The following CORIN variants were observed in gnomAD, a reference collection of about 807,000 sequenced individuals.
CORIN encodes corin, serine peptidase.
In CORIN, 117 loss-of-function variants were observed where a neutral mutation model predicts 125.3. The ratio of observed to expected loss-of-function variants is 0.93; its 90% confidence interval spans 0.80 to 1.09. The LOEUF (loss-of-function observed/expected upper bound fraction) is 1.09, where lower values mean the gene tolerates loss of function less well. Ranked by LOEUF, CORIN falls within the 50% of genes least tolerant of loss-of-function variation. The pLI is 0.00. For synonymous variants in CORIN, 450 were observed against 466.4 expected (o/e 0.96, Z 0.45); for missense variants, 1,253 against 1,306.7 (o/e 0.96, Z 0.63).
intron 20 of CORIN, among the ~76,000 whole-genome samples, chr4:47,602,818 T>G (rs1453539535): frequency 2.0e-5 from 3 of 152,094 alleles, no homozygotes; most frequent in Non-Finnish European, 4.4e-5. Context: ...TATTTACCAT[T>G]TGTGGCTATA....
intron 19 of CORIN, among the ~76,000 whole-genome samples, chr4:47,620,366 A>C (rs1454799714): frequency 6.6e-6 from 1 of 152,236 alleles, no homozygotes; most frequent in African/African-American, 2.4e-5. Flanking sequence ...CTATAGATAG[A>C]ATATTATTTG....
chr4:47,646,043 CA>C (rs1165408037), intron 13 of CORIN, among the ~76,000 whole-genome samples: 25,076 of 98,078 alleles, frequency 0.26, 1,804 homozygotes, highest in Admixed American at 0.34. Context: ...CCACCTGTCT[CA>C]AAAAAAAAAA....
At position 47,806,802 on chromosome 4, in the gene CORIN, C is replaced by T. The variant is rs545219274; in HGVS notation, c.208+101G>A. Reference sequence around the variant, plus strand: ...CATCAAAAGATAATCCTCTCATTGACTGACACTTTGGGTTAAATAAGTACT... The same window carrying T: ...CATCAAAAGATAATCCTCTCATTGATTGACACTTTGGGTTAAATAAGTACT... On this transcript the variant is annotated intron_variant, in intron 2 of 21. Coordinates refer to ENST00000273857, the MANE Select transcript of CORIN (RefSeq NM_006587.4). 1.3e-5 allele frequency: 16 copies of T among 1,245,678 alleles called. No homozygotes were observed. In the African/African-American group the frequency reaches 2.3e-4, roughly 18 times the overall value. 77.2% of individuals were successfully genotyped at this position (1,245,678 alleles called of 1,614,324 possible). A position where few individuals can be genotyped will look rare whatever the true frequency, so the allele number is the denominator to read the frequency against.
chr4:47,804,198 G>A (rs959208849), intron 2 of CORIN, among the ~76,000 whole-genome samples: 5 of 152,108 alleles, frequency 3.3e-5, no homozygotes, highest in Non-Finnish European at 7.4e-5. Context: ...CCAAAAGACA[G>A]GCAATAACAA....
At chr4:47,709,351 T>C (rs1726731664) in intron 5 of CORIN, among the ~76,000 whole-genome samples, 1 of 152,124 alleles carries the variant, frequency 6.6e-6, no homozygotes, top group South Asian at 2.1e-4. Flanking sequence ...TTGAGTGCAG[T>C]GGCACAATCT....
At chr4:47,726,396 C>A (rs1488174176) in intron 5 of CORIN, among the ~76,000 whole-genome samples, 1 of 151,992 alleles carries the variant, frequency 6.6e-6, no homozygotes, top group Non-Finnish European at 1.5e-5. Flanking sequence ...ATACATGTAA[C>A]AACATGGATG....
chr4:47,802,280 C>G (rs929376678), intron 2 of CORIN, among the ~76,000 whole-genome samples: 1 of 152,148 alleles, frequency 6.6e-6, no homozygotes, highest in African/African-American at 2.4e-5. Context: ...TGCTTGGCCT[C>G]GGTGGGGTAG....
chr4:47,772,231 C>A (rs34638656), intron 3 of CORIN, among the ~76,000 whole-genome samples: 21,892 of 152,176 alleles, frequency 0.14, 2,191 homozygotes, highest in African/African-American at 0.27. Flanking sequence ...ATTCAAGAAA[C>A]TACTTACTGT....
chr4:47,735,326 A>C (rs1474639931), intron 5 of CORIN, among the ~76,000 whole-genome samples: 1 of 152,230 alleles, frequency 6.6e-6, no homozygotes, highest in Non-Finnish European at 1.5e-5. Context: ...TTTAAATTCT[A>C]GGTAAATATT....
At chr4:47,654,870 A>G (rs1370351502) in intron 12 of CORIN, among the ~76,000 whole-genome samples, 4 of 151,338 alleles carry the variant, frequency 2.6e-5, no homozygotes, top group African/African-American at 9.7e-5. Context: ...CCCTTCCCCA[A>G]CCCCAGGCAG....
intron 16 of CORIN, among the ~76,000 whole-genome samples, chr4:47,638,275 G>A (rs774773314): frequency 2.1e-4 from 32 of 152,164 alleles, no homozygotes; most frequent in Non-Finnish European, 4.0e-4. Flanking sequence ...TAGATGAGAC[G>A]TTGGACTGTG....
chr4:47,719,951 T>A (rs929636532), intron 5 of CORIN, among the ~76,000 whole-genome samples: 1 of 152,194 alleles, frequency 6.6e-6, no homozygotes, highest in Non-Finnish European at 1.5e-5. Context: ...TAGCCTCACT[T>A]TTCATTTAAA....
At chr4:47,625,635 T>G (rs997276325) in intron 17 of CORIN, among the ~76,000 whole-genome samples, 1 of 152,186 alleles carries the variant, frequency 6.6e-6, no homozygotes, top group Non-Finnish European at 1.5e-5. Context: ...GTTTTCCTCT[T>G]TAAAATTCTT....
intron 5 of CORIN, among the ~76,000 whole-genome samples, chr4:47,728,400 C>A (rs1001786681): frequency 2.0e-5 from 3 of 152,092 alleles, no homozygotes; most frequent in African/African-American, 7.2e-5. Context: ...GCTAATATTT[C>A]TGCTATGTGA....
intron 4 of CORIN, among the ~76,000 whole-genome samples, chr4:47,753,164 C>T (rs140254528): frequency 2.4e-4 from 36 of 152,100 alleles, no homozygotes; most frequent in Admixed American, 7.9e-4. Context: ...CCCCTTGAGC[C>T]GCAAAACCAG....
intron 6 of CORIN, among the ~76,000 whole-genome samples, chr4:47,689,863 G>T (rs963904497): frequency 6.7e-6 from 1 of 150,282 alleles, no homozygotes; most frequent in African/African-American, 2.4e-5. Flanking sequence ...TCTGCAGATG[G>T]GGCTTCCTGA....
intron 5 of CORIN, among the ~76,000 whole-genome samples, chr4:47,715,095 T>C (rs527373397): frequency 5.3e-5 from 8 of 151,972 alleles, no homozygotes; most frequent in Non-Finnish European, 7.4e-5. Flanking sequence ...ATAATAACAG[T>C]GAAGAGAACT....
At chr4:47,835,669 A>G (rs924626861) in intron 1 of CORIN, among the ~76,000 whole-genome samples, 1 of 152,178 alleles carries the variant, frequency 6.6e-6, no homozygotes, top group Non-Finnish European at 1.5e-5. Flanking sequence ...AGTCAATAGA[A>G]CTAGCAACTG....
At chr4:47,739,880 A>G (rs1395772040) in intron 5 of CORIN, among the ~76,000 whole-genome samples, 2 of 151,926 alleles carry the variant, frequency 1.3e-5, no homozygotes, top group African/African-American at 4.8e-5. Flanking sequence ...CTAGACTGTT[A>G]TAACTTAAGA....
Sources: gnomAD v4.1 joint callset for allele counts (sites outside exome capture counted in the v4.1 genomes callset) on GRCh38, gnomAD v4.1.1 for gene constraint, MANE v1.5 for transcripts, NCBI Gene and HGNC (gene_info 2026-07-23, HGNC 2026-07-21) for gene names.